DLGAP2: variants seen among roughly 807,000 people sequenced by gnomAD.
The protein encoded by DLGAP2 is disks large-associated protein 2.
DLGAP2 carries 26 observed loss-of-function variants against 100.3 expected under a neutral mutation model. The observed-to-expected ratio is 0.26, with a 90% CI of 0.19 to 0.36. DLGAP2 has a LOEUF of 0.36. DLGAP2 is among the 10% of genes least tolerant of loss of function. The probability of loss-of-function intolerance (pLI) is 1.00; values close to 1 mark genes in which losing one functional copy is unlikely to be tolerated. For missense variants in DLGAP2, 1,858 were observed against 1,453.2 expected (o/e 1.28, Z -4.53); for synonymous variants, 886 against 630.1 (o/e 1.41, Z -6.08).
At chr8:1,589,052 A>G (rs773413990) in intron 6 of DLGAP2, among the ~76,000 whole-genome samples, 3 of 152,240 alleles carry the variant, frequency 2.0e-5, no homozygotes, top group Non-Finnish European at 2.9e-5. Context: ...CACACAAACT[A>G]TCACACACAG....
At position 889,611 on chromosome 8, in the gene DLGAP2, G is replaced by A. The variant is rs530597279; in HGVS notation, c.19-18301G>A. 2.0e-5 allele frequency among the ~76,000 whole-genome samples: 3 copies of A among 152,330 alleles called. No homozygotes were observed. In the East Asian group the frequency reaches 5.8e-4, roughly 29 times the overall value. On this transcript the variant is annotated intron_variant, in intron 1 of 14. Coordinates refer to ENST00000637795, the MANE Select transcript of DLGAP2 (RefSeq NM_001346810.2). ...GTGTTGCGCTGTGCAGACAAGTCTT[G>A]GGACCAAGCCATTCAGCTTCCCTGG...
intron 6 of DLGAP2, among the ~76,000 whole-genome samples, chr8:1,591,285 C>T (rs1796281990): frequency 7.1e-6 from 1 of 141,228 alleles, no homozygotes; most frequent in East Asian, 2.6e-4. Context: ...GGGTCACTCA[C>T]ACCCCCTCCC....
At chr8:1,569,320 C>T (rs1342101988) in intron 6 of DLGAP2, among the ~76,000 whole-genome samples, 2 of 152,242 alleles carry the variant, frequency 1.3e-5, no homozygotes, top group Non-Finnish European at 2.9e-5. Context: ...TCGATTTATA[C>T]GTGCCCCAAT....
At chr8:1,699,994 T>A (rs928414681) in intron 14 of DLGAP2, among the ~76,000 whole-genome samples, 1 of 152,234 alleles carries the variant, frequency 6.6e-6, no homozygotes, top group Non-Finnish European at 1.5e-5. Context: ...CTTGTTAAAG[T>A]AGCTGAAGGT....
intron 2 of DLGAP2, among the ~76,000 whole-genome samples, chr8:1,021,837 G>C (rs887626016): frequency 1.3e-5 from 2 of 152,092 alleles, no homozygotes; most frequent in East Asian, 3.9e-4. Flanking sequence ...GGCAGGCACC[G>C]TCGGGTTCTG....
intron 4 of DLGAP2, among the ~76,000 whole-genome samples, chr8:1,510,669 C>A (rs1376665865): frequency 1.3e-5 from 2 of 152,188 alleles, no homozygotes; most frequent in African/African-American, 4.8e-5. Context: ...AACTGAGGCA[C>A]AGAGAGAGTG....
chr8:914,418 A>G (rs1365647384), intron 2 of DLGAP2, among the ~76,000 whole-genome samples: 1 of 152,224 alleles, frequency 6.6e-6, no homozygotes, highest in Non-Finnish European at 1.5e-5. Context: ...TTTATTAGAA[A>G]ATTGGTCATG....
At chr8:1,039,830 G>A (rs551276409) in intron 2 of DLGAP2, among the ~76,000 whole-genome samples, 19 of 128,976 alleles carry the variant, frequency 1.5e-4, no homozygotes, top group African/African-American at 4.7e-4. Context: ...GTGCATGGTC[G>A]GCTCGGTGTG....
chr8:1,003,858 G>C (rs1045777508), intron 2 of DLGAP2, among the ~76,000 whole-genome samples: 2 of 152,192 alleles, frequency 1.3e-5, no homozygotes, highest in Admixed American at 1.3e-4. Flanking sequence ...ATTCTATCAA[G>C]AGATGATACC....
intron 2 of DLGAP2, among the ~76,000 whole-genome samples, chr8:1,240,104 C>T (rs183122954): frequency 1.1e-3 from 153 of 144,706 alleles, no homozygotes; most frequent in Middle Eastern, 3.9e-3. Context: ...TCTCACATGG[C>T]GCCATGTCTA....
intron 2 of DLGAP2, among the ~76,000 whole-genome samples, chr8:1,192,304 C>G (rs542145241): frequency 6.6e-6 from 1 of 152,154 alleles, no homozygotes; most frequent in Non-Finnish European, 1.5e-5. Context: ...TTTTAAGTGA[C>G]AAAAGTATAT....
intron 2 of DLGAP2, among the ~76,000 whole-genome samples, chr8:1,200,190 C>T (rs1300013825): frequency 2.0e-5 from 3 of 152,212 alleles, no homozygotes; most frequent in African/African-American, 7.2e-5. Context: ...TCCTCCCCAC[C>T]GTGCAGCACC....
chr8:1,200,370 A>G (rs1423081734), intron 2 of DLGAP2, among the ~76,000 whole-genome samples: 2 of 152,178 alleles, frequency 1.3e-5, no homozygotes, highest in Non-Finnish European at 2.9e-5. Flanking sequence ...GAGCTTGTTA[A>G]AACTGTGCTT....
At chr8:1,592,813 G>C (rs1015160072) in intron 6 of DLGAP2, among the ~76,000 whole-genome samples, 2 of 152,180 alleles carry the variant, frequency 1.3e-5, no homozygotes, top group Non-Finnish European at 1.5e-5. Context: ...GTCAGGCTCA[G>C]ACTTCTCTGT....
chr8:1,287,588 G>A lies in DLGAP2; in HGVS notation c.106+28705G>A, dbSNP rs1452829519. Among the ~76,000 whole-genome samples, 3 of 98,888 alleles carry A rather than the reference G, an allele frequency of 3.0e-5. 1 individual carries two copies. The highest frequency in any genetic ancestry group is 5.7e-5 in the Non-Finnish European group (3 of 52,924). 64.9% of individuals were successfully genotyped at this position (98,888 alleles called of 152,430 possible). On this transcript the variant is annotated intron_variant, in intron 3 of 14. Transcript: ENST00000637795. ...TCGGAGGGGAACTAGTTTTGGTTCA[G>A]CGTGTGTGTGTATGTGGTTCTGTTA...
intron 2 of DLGAP2, among the ~76,000 whole-genome samples, chr8:960,668 T>C (rs140559732): frequency 4.1e-4 from 63 of 152,346 alleles, no homozygotes; most frequent in African/African-American, 1.5e-3. Flanking sequence ...ACTTATCTGA[T>C]AGATACTGGA....
intron 2 of DLGAP2, chr8:1,019,637 T>TTCA (rs35909536): frequency 0.36 from 53,925 of 151,880 alleles, 10,307 homozygotes; most frequent in Admixed American, 0.52. Context: ...TGTGGCTTAT[T>TTCA]CATTGGAGCT....
intron 13 of DLGAP2, among the ~76,000 whole-genome samples, chr8:1,694,984 G>T (rs762774842): frequency 2.0e-5 from 3 of 152,154 alleles, no homozygotes; most frequent in Non-Finnish European, 4.4e-5. Flanking sequence ...GTGCCCGTCC[G>T]GCCCCAGCAT....
intron 4 of DLGAP2, among the ~76,000 whole-genome samples, chr8:1,534,155 T>C (rs751190459): frequency 6.6e-6 from 1 of 152,140 alleles, no homozygotes; most frequent in Non-Finnish European, 1.5e-5. Context: ...AAGAGAAAGA[T>C]TGATTGGTTG....
Sources: gnomAD v4.1 joint callset for allele counts (sites outside exome capture counted in the v4.1 genomes callset) on GRCh38, gnomAD v4.1.1 for gene constraint, MANE v1.5 for transcripts, NCBI Gene and HGNC (gene_info 2026-07-23, HGNC 2026-07-21) for gene names.